CALN1: variants seen among roughly 807,000 people sequenced by gnomAD.
CALN1 encodes calcium-binding protein 8.
A neutral mutation model predicts 30.6 loss-of-function variants in CALN1; 17 were observed. The observed-to-expected ratio is 0.56, with a 90% CI of 0.38 to 0.83. The LOEUF (loss-of-function observed/expected upper bound fraction) is 0.83, where lower values mean the gene tolerates loss of function less well. Ranked by LOEUF, CALN1 falls within the 40% of genes least tolerant of loss-of-function variation. The pLI, the probability that CALN1 is intolerant of heterozygous loss-of-function variation, is 0.00. For synonymous variants in CALN1, 156 were observed against 131.4 expected (o/e 1.19, Z -1.28); for missense variants, 291 against 354.9 (o/e 0.82, Z 1.45).
At chr7:72,471,299 T>A in the CALN1 span, among the ~76,000 whole-genome samples, 1 of 152,170 alleles carries the variant, frequency 6.6e-6, no homozygotes, top group Non-Finnish European at 1.5e-5. Flanking sequence ...TACCCCTAGG[T>A]TGAGACAGGT....
intron 4 of CALN1, among the ~76,000 whole-genome samples, chr7:72,062,105 T>C (rs1415820360): frequency 6.6e-6 from 1 of 152,180 alleles, no homozygotes; most frequent in Non-Finnish European, 1.5e-5. Context: ...AGTGGAAACA[T>C]CCTTCAGGAA....
intron 4 of CALN1, among the ~76,000 whole-genome samples, chr7:72,033,571 T>G (rs1801592093): frequency 6.6e-6 from 1 of 151,922 alleles, no homozygotes; most frequent in Non-Finnish European, 1.5e-5. Flanking sequence ...AGTGAGCCTT[T>G]AAAAGAGGGA....
intron 3 of CALN1, among the ~76,000 whole-genome samples, chr7:72,145,428 T>C (rs192534829): frequency 3.4e-4 from 51 of 152,236 alleles, no homozygotes; most frequent in African/African-American, 1.1e-3. Flanking sequence ...CAGGAAGAAG[T>C]TGAATCTCTG....
intron 4 of CALN1, 126 bp downstream of exon 4, chr7:72,106,025 A>C: frequency 5.4e-6 from 7 of 1,300,658 alleles, no homozygotes; most frequent in Non-Finnish European, 7.3e-6. Context: ...TTCTAGTCCA[A>C]GTTTCTGCTT....
intron 3 of CALN1, among the ~76,000 whole-genome samples, chr7:72,156,282 A>G (rs149725815): frequency 6.6e-6 from 1 of 152,328 alleles, no homozygotes; most frequent in African/African-American, 2.4e-5. Flanking sequence ...GAAACCAAGC[A>G]ATAGAAGGAT....
chr7:72,398,715 C>T (rs765781418), intron 2 of CALN1, among the ~76,000 whole-genome samples: 39 of 152,378 alleles, frequency 2.6e-4, no homozygotes, highest in Non-Finnish European at 3.4e-4. Flanking sequence ...CACTGCTCCT[C>T]TTAGGGGTCC....
intron 4 of CALN1, among the ~76,000 whole-genome samples, chr7:72,088,101 G>C (rs2129539460): frequency 6.6e-6 from 1 of 152,244 alleles, no homozygotes; most frequent in Middle Eastern, 3.4e-3. Flanking sequence ...CCAGGAGTTT[G>C]AGGTTACAGT....
chr7:72,458,950 G>A, the CALN1 span, among the ~76,000 whole-genome samples: 5 of 146,860 alleles, frequency 3.4e-5, no homozygotes, highest in South Asian at 2.1e-4. Context: ...TTACTCTGTC[G>A]CCCAGTGTGG....
Position 72,232,542 on chromosome 7 carries a change from C to T in CALN1, c.244+46144G>A, listed in dbSNP as rs941819986. On this transcript the variant is annotated intron_variant, in intron 3 of 6. Coordinates refer to ENST00000395275, the MANE Select transcript of CALN1 (RefSeq NM_031468.4). ...GTGGCACCATCTTGGCTCACTACAA[C>T]CTCCGCTTCCCAGGTACAAGCGATT... is the stretch of plus-strand genomic sequence containing the variant. Among the ~76,000 whole-genome samples, 3 of 152,152 alleles carry T rather than the reference C, an allele frequency of 2.0e-5. No homozygotes were observed. In the East Asian group the frequency reaches 5.8e-4, roughly 29 times the overall value.
the CALN1 span, among the ~76,000 whole-genome samples, chr7:72,463,948 G>A: frequency 7.9e-5 from 9 of 114,628 alleles, no homozygotes; most frequent in African/African-American, 3.4e-4. Flanking sequence ...ACAACAAAGT[G>A]AGAGAAGGAA....
At chr7:72,180,558 T>C (rs548549383) in intron 3 of CALN1, among the ~76,000 whole-genome samples, 1 of 151,730 alleles carries the variant, frequency 6.6e-6, no homozygotes, top group African/African-American at 2.4e-5. Context: ...CTTGGGCTAT[T>C]TGGTTACTGT....
At chr7:71,804,236 C>T (rs2116105892) in intron 6 of CALN1, among the ~76,000 whole-genome samples, 1 of 152,312 alleles carries the variant, frequency 6.6e-6, no homozygotes, top group East Asian at 1.9e-4. Context: ...GGGCCCGCCA[C>T]AGTGGCTCAC....
intron 4 of CALN1, among the ~76,000 whole-genome samples, chr7:72,027,661 A>C (rs2129531030): frequency 6.6e-6 from 1 of 151,762 alleles, no homozygotes; most frequent in South Asian, 2.1e-4. Context: ...CAGTGAGCTA[A>C]GATGGCACCA....
At chr7:72,347,245 T>A (rs1423609130) in intron 2 of CALN1, among the ~76,000 whole-genome samples, 1 of 151,590 alleles carries the variant, frequency 6.6e-6, no homozygotes, top group Non-Finnish European at 1.5e-5. Context: ...TCTTTTTTTT[T>A]TTCCTTTTTT....
intron 4 of CALN1, chr7:72,103,297 G>T: frequency 5.6e-6 from 1 of 179,374 alleles, no homozygotes; most frequent in Non-Finnish European, 1.2e-5. Flanking sequence ...GTTTGAGGGT[G>T]GTATGAAGCT....
At chr7:71,907,797 A>G (rs981863230) in intron 5 of CALN1, among the ~76,000 whole-genome samples, 4 of 152,220 alleles carry the variant, frequency 2.6e-5, no homozygotes, top group African/African-American at 9.7e-5. Context: ...CGCAGCTGGT[A>G]TTTGTAATGT....
At chr7:71,818,558 T>C (rs1168684107) in intron 5 of CALN1, among the ~76,000 whole-genome samples, 23 of 152,044 alleles carry the variant, frequency 1.5e-4, no homozygotes, top group Admixed American at 1.5e-3. Context: ...TTTGTAGAGA[T>C]GGGGTCTCAC....
the CALN1 span, among the ~76,000 whole-genome samples, chr7:72,499,594 C>A: frequency 7.1e-3 from 1,079 of 151,952 alleles, 13 homozygotes; most frequent in African/African-American, 0.023. Context: ...GACTCACATG[C>A]AGACTCATAT....
chr7:72,264,179 T>C (rs187428418), intron 3 of CALN1, among the ~76,000 whole-genome samples: 122 of 152,286 alleles, frequency 8.0e-4, no homozygotes, highest in Admixed American at 6.8e-3. Flanking sequence ...AGCCAGCATG[T>C]GAAGGAAGTC....
Sources: gnomAD v4.1 joint callset for allele counts (sites outside exome capture counted in the v4.1 genomes callset) on GRCh38, gnomAD v4.1.1 for gene constraint, MANE v1.5 for transcripts, NCBI Gene and HGNC (gene_info 2026-07-23, HGNC 2026-07-21) for gene names.